Variants in GLRA3 observed in about 807,000 individuals in gnomAD.
GLRA3 encodes the protein glycine receptor alpha 3.
A neutral mutation model predicts 60.4 loss-of-function variants in GLRA3; 44 were observed. The ratio of observed to expected loss-of-function variants is 0.73; its 90% CI spans 0.57 to 0.94. The LOEUF (loss-of-function observed/expected upper bound fraction) is 0.94. Among genes scored for constraint, GLRA3 ranks in the 40% least tolerant of loss-of-function variants. GLRA3 has a pLI of 0.00. For missense variants in GLRA3, 508 were observed against 564.6 expected (o/e 0.90, Z 1.02); for synonymous variants, 223 against 192.9 (o/e 1.16, Z -1.29).
chr4:174,656,440 C>G (rs907093993), intron 9 of GLRA3, among the ~76,000 whole-genome samples: 17 of 151,960 alleles, frequency 1.1e-4, no homozygotes, highest in African/African-American at 4.1e-4. Flanking sequence ...GTGATTATTA[C>G]AAGATATATG....
At chr4:174,753,735 C>G (rs1737573834) in intron 3 of GLRA3, among the ~76,000 whole-genome samples, 1 of 152,106 alleles carries the variant, frequency 6.6e-6, no homozygotes, top group African/African-American at 2.4e-5. Context: ...TTTTCCATTG[C>G]AAATTAAGAG....
At chr4:174,779,539 A>T (rs935761320) in intron 2 of GLRA3, among the ~76,000 whole-genome samples, 8 of 152,132 alleles carry the variant, frequency 5.3e-5, no homozygotes, top group African/African-American at 1.9e-4. Context: ...CATTCAAACC[A>T]AAGGCAAAGA....
At chr4:174,719,032 G>A (rs1736038660) in intron 4 of GLRA3, among the ~76,000 whole-genome samples, 2 of 128,440 alleles carry the variant, frequency 1.6e-5, no homozygotes, top group African/African-American at 5.9e-5. Flanking sequence ...GCGCAATCTC[G>A]GCTCACTGCA....
At chr4:174,703,621 GT>G (rs1735405865) in intron 5 of GLRA3, among the ~76,000 whole-genome samples, 1 of 152,010 alleles carries the variant, frequency 6.6e-6, no homozygotes, top group African/African-American at 2.4e-5. Flanking sequence ...CCAATGCTAT[GT>G]TCCTAATTCA....
chr4:174,643,768 T>A lies in GLRA3; in HGVS notation c.*18A>T. ...TTTCTTCTGAATTGACCATTTGCAT[T>A]TGCATGCCCCCAGAGACTTAATCTT... On this transcript the variant is annotated 3_prime_UTR_variant, in exon 10 of 10. Transcript: ENST00000274093. The A allele has an allele frequency of 1.2e-6, 2 of 1,604,418 alleles. No individual in the cohort carries two copies. Among genetic ancestry groups the A allele is most frequent in the Non-Finnish European group, 1.7e-6 (2 of 1,174,224 alleles).
intron 1 of GLRA3, among the ~76,000 whole-genome samples, chr4:174,813,921 G>T: frequency 6.6e-6 from 1 of 152,116 alleles, no homozygotes; most frequent in African/African-American, 2.4e-5. Context: ...CTCACAAAGG[G>T]GTTAGCTCGT....
chr4:174,705,009 T>C (rs957329487), intron 5 of GLRA3, among the ~76,000 whole-genome samples: 1 of 144,006 alleles, frequency 6.9e-6, no homozygotes, highest in Non-Finnish European at 1.5e-5. Context: ...GGGAGATTGC[T>C]TGTACAACAT....
intron 1 of GLRA3, among the ~76,000 whole-genome samples, chr4:174,801,639 A>G (rs1739817953): frequency 6.6e-6 from 1 of 152,044 alleles, no homozygotes; most frequent in African/African-American, 2.4e-5. Context: ...TTTATCCATA[A>G]TTCAACCACA....
intron 4 of GLRA3, among the ~76,000 whole-genome samples, chr4:174,726,848 G>A (rs1214623536): frequency 6.6e-6 from 1 of 152,020 alleles, no homozygotes; most frequent in Non-Finnish European, 1.5e-5. Context: ...TGGTGGGGCG[G>A]GGTTGGGGGA....
chr4:174,828,842 T>A lies in GLRA3; in HGVS notation c.-31A>T. 1 of 1,436,846 alleles carries A rather than the reference T, an allele frequency of 7.0e-7. No homozygotes were observed. Among genetic ancestry groups the A allele is most frequent in the Non-Finnish European group, 9.8e-7 (1 of 1,018,334 alleles). 89.0% of individuals were successfully genotyped at this position (1,436,846 alleles called of 1,614,324 possible). On this transcript the variant is annotated 5_prime_UTR_variant, in exon 1 of 10. Coordinates refer to ENST00000274093, the MANE Select transcript of GLRA3 (RefSeq NM_006529.4). ...GGAGAGATATTCACGATCCTGAAAA[T>A]AGTCTTATCCAAGGCATGGGGAACC...
At chr4:174,669,943 G>A (rs1733839869) in intron 7 of GLRA3, among the ~76,000 whole-genome samples, 8 of 152,142 alleles carry the variant, frequency 5.3e-5, no homozygotes, top group Admixed American at 5.2e-4. Flanking sequence ...TTTCCAAAGA[G>A]GTGAATTTAA....
intron 1 of GLRA3, among the ~76,000 whole-genome samples, chr4:174,822,903 G>T (rs1740799947): frequency 1.3e-5 from 2 of 152,122 alleles, no homozygotes; most frequent in South Asian, 4.1e-4. Flanking sequence ...AGCATCTCTA[G>T]TAAGGAGATT....
chr4:174,768,280 A>G (rs575382671), intron 2 of GLRA3, among the ~76,000 whole-genome samples: 1 of 152,226 alleles, frequency 6.6e-6, no homozygotes, highest in South Asian at 2.1e-4. Flanking sequence ...ACAGAAATTC[A>G]TCAGTTTTTC....
Position 174,740,090 on chromosome 4 carries a change from G to A in GLRA3, c.268-11392C>T, listed in dbSNP as rs556869635. Among the ~76,000 whole-genome samples, 166 of 152,252 alleles carry A rather than the reference G, an allele frequency of 1.1e-3. 1 individual carries two copies. The highest frequency in any genetic ancestry group is 6.4e-3 in the Admixed American group (98 of 15,284). On this transcript the variant is annotated intron_variant, in intron 3 of 9. Transcript: ENST00000274093. The stretch of plus-strand genomic sequence containing the variant: ...AGGAATCATAAGATCCACCTTTTGG[G>A]AACCTCATTTGCACTCGCATCTAAT...
At chr4:174,655,025 A>G (rs1253033407) in intron 9 of GLRA3, among the ~76,000 whole-genome samples, 2 of 152,180 alleles carry the variant, frequency 1.3e-5, no homozygotes, top group Non-Finnish European at 1.5e-5. Context: ...AAACTTTCCT[A>G]GGAATAATAA....
chr4:174,780,921 A>C (rs1033281095), intron 2 of GLRA3, among the ~76,000 whole-genome samples: 38 of 152,124 alleles, frequency 2.5e-4, no homozygotes, highest in Non-Finnish European at 4.4e-4. Context: ...AGAAAGTCAA[A>C]AAGGATACCC....
At position 174,726,081 on chromosome 4, in the gene GLRA3, G is replaced by C. The variant is rs115060996; in HGVS notation, c.491+2394C>G. ...TTATTGCTGGATGTCCCAGGTGTAA[G>C]CATGATGTCCACTGACACTATGGTG... On this transcript the variant is annotated intron_variant, in intron 4 of 9. Transcript: ENST00000274093. 6.1e-3 allele frequency among the ~76,000 whole-genome samples: 935 copies of C among 152,340 alleles called. 10 individuals carry two copies. Among genetic ancestry groups the C allele is most frequent in the African/African-American group, 0.021 (877 of 41,576 alleles).
chr4:174,658,232 T>C (rs1195237294), intron 8 of GLRA3, among the ~76,000 whole-genome samples: 1 of 151,566 alleles, frequency 6.6e-6, no homozygotes, highest in African/African-American at 2.4e-5. Flanking sequence ...TGTCCATTGC[T>C]TTAAAAGACC....
chr4:174,788,757 C>T, intron 2 of GLRA3, 59 bp downstream of exon 2: 2 of 1,143,644 alleles, frequency 1.7e-6, no homozygotes, highest in South Asian at 1.9e-5. Context: ...TAATTTAAAA[C>T]TGTACCTTGT....
Sources: allele counts gnomAD v4.1 joint callset (sites outside exome capture counted in the v4.1 genomes callset), GRCh38; gene constraint gnomAD v4.1.1; transcripts MANE v1.5; gene names NCBI Gene and HGNC (gene_info 2026-07-23, HGNC 2026-07-21).